REDIC1: variants seen among roughly 807,000 people sequenced by gnomAD.
REDIC1 encodes the protein regulator of DNA class I crossover intermediates 1.
chr12:39,788,838 C>T, the REDIC1 span, among the ~76,000 whole-genome samples: 2 of 152,104 alleles, frequency 1.3e-5, no homozygotes, highest in African/African-American at 4.8e-5. Context: ...TCTAAATTTC[C>T]AGACTCAAAC....
chr12:39,893,104 C>A, the REDIC1 span, among the ~76,000 whole-genome samples: 91 of 152,158 alleles, frequency 6.0e-4, no homozygotes, highest in Admixed American at 2.6e-3. Context: ...GAAAACTAAT[C>A]CACAAGTATT....
the REDIC1 span, among the ~76,000 whole-genome samples, chr12:39,882,060 A>G: frequency 6.6e-6 from 1 of 152,046 alleles, no homozygotes; most frequent in Admixed American, 6.6e-5. Context: ...CCCCACTGAC[A>G]TAATATGTCA....
At chr12:39,892,359 C>T in the REDIC1 span, among the ~76,000 whole-genome samples, 1 of 152,150 alleles carries the variant, frequency 6.6e-6, no homozygotes, top group Non-Finnish European at 1.5e-5. Context: ...TATTTCTCCC[C>T]AGGGAGATTC....
At chr12:39,720,519 G>T in the REDIC1 span, among the ~76,000 whole-genome samples, 1 of 151,898 alleles carries the variant, frequency 6.6e-6, no homozygotes, top group African/African-American at 2.4e-5. Context: ...AAAATTTCTC[G>T]TCTCCTTTTT....
chr12:39,888,936 T>C, the REDIC1 span, among the ~76,000 whole-genome samples: 2 of 152,178 alleles, frequency 1.3e-5, no homozygotes, highest in Non-Finnish European at 2.9e-5. Flanking sequence ...TATATAATAG[T>C]AAACCATTTT....
chr12:39,694,016 A>G, the REDIC1 span, among the ~76,000 whole-genome samples: 4 of 152,202 alleles, frequency 2.6e-5, no homozygotes, highest in African/African-American at 9.6e-5. Flanking sequence ...GATAGATAGA[A>G]GTTTTAGTTT....
At chr12:39,638,636 ATATT>A in the REDIC1 span, among the ~76,000 whole-genome samples, 1 of 152,030 alleles carries the variant, frequency 6.6e-6, no homozygotes, top group Non-Finnish European at 1.5e-5. Flanking sequence ...ATTCGGGACA[ATATT>A]TAGTTTATGT....
At chr12:39,804,015 C>G in the REDIC1 span, among the ~76,000 whole-genome samples, 1 of 151,820 alleles carries the variant, frequency 6.6e-6, no homozygotes, top group Non-Finnish European at 1.5e-5. Flanking sequence ...GAAGAAATGT[C>G]TGAATTCATT....
At chr12:39,635,429 G>T in the REDIC1 span, among the ~76,000 whole-genome samples, 1 of 152,138 alleles carries the variant, frequency 6.6e-6, no homozygotes, top group African/African-American at 2.4e-5. Context: ...TTAAGAAAAT[G>T]TGGCACATAT....
chr12:39,671,585 G>A, the REDIC1 span, among the ~76,000 whole-genome samples: 1 of 152,170 alleles, frequency 6.6e-6, no homozygotes, highest in African/African-American at 2.4e-5. Flanking sequence ...CCTATACAGT[G>A]TATGTGGTGT....
the REDIC1 span, among the ~76,000 whole-genome samples, chr12:39,751,627 C>A: frequency 6.6e-6 from 1 of 152,060 alleles, no homozygotes; most frequent in African/African-American, 2.4e-5. Flanking sequence ...GCACTATTCA[C>A]AATAGCAAAG....
chr12:39,731,624 G>A, the REDIC1 span, among the ~76,000 whole-genome samples: 16 of 152,278 alleles, frequency 1.1e-4, no homozygotes, highest in South Asian at 2.9e-3. Flanking sequence ...AGGAGGCATA[G>A]GGGTCAGGGA....
the REDIC1 span, among the ~76,000 whole-genome samples, chr12:39,681,442 A>G: frequency 3.9e-5 from 6 of 152,206 alleles, no homozygotes; most frequent in Non-Finnish European, 7.3e-5. Flanking sequence ...GTAACCAAAC[A>G]TCACCCATTT....
chr12:39,757,494 A>G, the REDIC1 span: 1 of 151,750 alleles, frequency 6.6e-6, no homozygotes, highest in South Asian at 2.1e-4. Context: ...TGTTCACCAA[A>G]TCTAAAAATA....
chr12:39,835,967 TTTGA>T, the REDIC1 span, among the ~76,000 whole-genome samples: 1 of 152,080 alleles, frequency 6.6e-6, no homozygotes, highest in East Asian at 1.9e-4. Context: ...GCCACAAATA[TTTGA>T]TTAACACCCA....
the REDIC1 span, among the ~76,000 whole-genome samples, chr12:39,701,758 T>A: frequency 1.7e-3 from 251 of 152,098 alleles, 1 homozygote; most frequent in African/African-American, 5.9e-3. Flanking sequence ...CACAGTGCAA[T>A]CAAACTAGAA....
the REDIC1 span, among the ~76,000 whole-genome samples, chr12:39,675,531 C>T: frequency 1.8e-3 from 276 of 152,102 alleles, no homozygotes; most frequent in African/African-American, 6.1e-3. Flanking sequence ...CAACTCAGAA[C>T]AAGCCTGCTC....
the REDIC1 span, chr12:39,682,642 C>G: frequency 2.5e-6 from 4 of 1,596,426 alleles, no homozygotes; most frequent in African/African-American, 4.1e-5. Context: ...TACTAAAAGC[C>G]CTGCTGTAAT....
the REDIC1 span, among the ~76,000 whole-genome samples, chr12:39,708,212 A>G: frequency 6.6e-6 from 1 of 151,754 alleles, no homozygotes; most frequent in Non-Finnish European, 1.5e-5. Flanking sequence ...GGGGATGAAC[A>G]CTCCAGTTTT....
Sources: allele counts gnomAD v4.1 joint callset (sites outside exome capture counted in the v4.1 genomes callset), GRCh38; gene constraint gnomAD v4.1.1; transcripts MANE v1.5; gene names NCBI Gene and HGNC (gene_info 2026-07-23, HGNC 2026-07-21).